Variants in CYP4X1 observed in about 807,000 individuals in gnomAD.
The protein encoded by CYP4X1 is cytochrome P450 4X1.
CYP4X1 carries 44 observed loss-of-function variants against 57.9 expected under a neutral mutation model. The ratio of observed to expected loss-of-function variants is 0.76; its 90% CI spans 0.60 to 0.98. The LOEUF is 0.98. Ranked by LOEUF, CYP4X1 falls within the 50% of genes least tolerant of loss-of-function variation. The pLI, the probability that CYP4X1 is intolerant of heterozygous loss-of-function variation, is 0.00. For missense variants in CYP4X1, 532 were observed against 623.9 expected (o/e 0.85, Z 1.57); for synonymous variants, 227 against 228.6 (o/e 0.99, Z 0.06).
At chr1:46,997,134 T>G in the CYP4X1 span, among the ~76,000 whole-genome samples, 6 of 152,050 alleles carry the variant, frequency 3.9e-5, no homozygotes, top group Non-Finnish European at 8.8e-5. Context: ...AAAAACTGAA[T>G]AGCCCATGCA....
rs1186905718 is a variant in CYP4X1 at position 47,038,673 on chromosome 1, G to A, written c.789G>A (p.Gln263=). ...VLNQYTDTII[Q]ERKKSLQAGV... ...TTTTCTACCCAGATACAATAATCCA[G>A]GAAAGAAAGAAATCCCTCCAGGCTG... The change falls in exon 7 of 12, where the codon CAG becomes CAA. Residue 263 remains glutamine, a synonymous_variant. Coordinates refer to ENST00000371901, the MANE Select transcript of CYP4X1 (RefSeq NM_178033.2). 6 of 1,606,952 alleles carry A rather than the reference G, an allele frequency of 3.7e-6. No homozygotes were observed. The African/African-American group carries it at 6.7e-5, about 18-fold the overall frequency.
At chr1:47,017,647 G>C in the CYP4X1 span, among the ~76,000 whole-genome samples, 1 of 152,100 alleles carries the variant, frequency 6.6e-6, no homozygotes, top group Non-Finnish European at 1.5e-5. Context: ...ATTCAATGTC[G>C]TCCCTCTGCT....
At chr1:47,000,025 G>T in the CYP4X1 span, among the ~76,000 whole-genome samples, 3,498 of 152,142 alleles carry the variant, frequency 0.023, 123 homozygotes, top group African/African-American at 0.08. Flanking sequence ...ATGTGGTTTG[G>T]CTCTGTACCC....
chr1:46,969,497 T>G, the CYP4X1 span, among the ~76,000 whole-genome samples: 1 of 152,348 alleles, frequency 6.6e-6, no homozygotes, highest in South Asian at 2.1e-4. Context: ...GAAAGGACTT[T>G]CTGGAAGAAC....
the CYP4X1 span, among the ~76,000 whole-genome samples, chr1:47,004,678 T>C: frequency 6.6e-6 from 1 of 152,148 alleles, no homozygotes; most frequent in South Asian, 2.1e-4. Flanking sequence ...TGAGGCCACC[T>C]GGCTGCAGCC....
intron 8 of CYP4X1, among the ~76,000 whole-genome samples, chr1:47,042,461 T>G (rs1644257348): frequency 1.3e-5 from 2 of 152,070 alleles, no homozygotes; most frequent in Admixed American, 1.3e-4. Flanking sequence ...TTTTCTTAAT[T>G]TAATTGTTTT....
upstream of CYP4X1, among the ~76,000 whole-genome samples, chr1:47,020,115 T>G (rs1643980481): frequency 6.6e-6 from 1 of 152,218 alleles, no homozygotes; most frequent in Admixed American, 6.5e-5. Context: ...CTCTGAGACT[T>G]GAAGCTCTAG....
the CYP4X1 span, among the ~76,000 whole-genome samples, chr1:46,976,022 G>A: frequency 6.6e-6 from 1 of 152,012 alleles, no homozygotes; most frequent in African/African-American, 2.4e-5. Context: ...GCAGCTTCTC[G>A]TGTGATCGAT....
chr1:47,050,868 G>A (rs1644355087), downstream of CYP4X1: 1 of 152,100 alleles, frequency 6.6e-6, no homozygotes, highest in Non-Finnish European at 1.5e-5. Context: ...GGCAACAAAA[G>A]CCAAAATTGA....
At chr1:47,001,906 T>G in the CYP4X1 span, among the ~76,000 whole-genome samples, 2 of 152,230 alleles carry the variant, frequency 1.3e-5, no homozygotes, top group African/African-American at 2.4e-5. Flanking sequence ...TGGAGATGGC[T>G]GAGAACATCC....
chr1:47,047,998 T>G (rs140186954), intron 9 of CYP4X1, among the ~76,000 whole-genome samples: 12 of 152,180 alleles, frequency 7.9e-5, no homozygotes, highest in Admixed American at 5.2e-4. Context: ...ATCCCAATAT[T>G]TTGTGACACC....
chr1:46,967,844 T>C, the CYP4X1 span: 1 of 1,246,724 alleles, frequency 8.0e-7, no homozygotes, highest in Non-Finnish European at 1.1e-6. Flanking sequence ...AGCTCATTCA[T>C]GGCAAATTTT....
At chr1:46,974,448 G>T in the CYP4X1 span, among the ~76,000 whole-genome samples, 1 of 152,098 alleles carries the variant, frequency 6.6e-6, no homozygotes, top group Admixed American at 6.6e-5. Context: ...AAGCTCATTT[G>T]GTCAAGTGTC....
At chr1:46,973,837 GGTCA>G in the CYP4X1 span, among the ~76,000 whole-genome samples, 3 of 151,836 alleles carry the variant, frequency 2.0e-5, no homozygotes, top group Admixed American at 2.0e-4. Flanking sequence ...TCTAGCTGGT[GGTCA>G]GTCAATCTTA....
intron 2 of CYP4X1, 30 bp from the exon 3 acceptor site, chr1:47,031,404 ATG>A (rs781727612): frequency 1.7e-5 from 28 of 1,612,260 alleles, no homozygotes; most frequent in Non-Finnish European, 2.2e-5. Context: ...CCCTCTAATG[ATG>A]TCTTTTGTTT....
At chr1:46,980,599 T>A in the CYP4X1 span, among the ~76,000 whole-genome samples, 2 of 152,194 alleles carry the variant, frequency 1.3e-5, no homozygotes, top group Non-Finnish European at 2.9e-5. Flanking sequence ...AAGCTACCAA[T>A]GACTTTCTTC....
At chr1:46,995,153 A>T in the CYP4X1 span, among the ~76,000 whole-genome samples, 1 of 149,316 alleles carries the variant, frequency 6.7e-6, no homozygotes, top group Non-Finnish European at 1.5e-5. Flanking sequence ...GGCTCACTAT[A>T]TATGTTGATA....
chr1:47,021,341 A>AAC (rs1643994484), upstream of CYP4X1, among the ~76,000 whole-genome samples: 1 of 152,116 alleles, frequency 6.6e-6, no homozygotes, highest in African/African-American at 2.4e-5. Flanking sequence ...GGATAGCAAA[A>AAC]ACACAAGCAA....
the CYP4X1 span, among the ~76,000 whole-genome samples, chr1:46,973,232 A>G: frequency 6.6e-6 from 1 of 152,016 alleles, no homozygotes; most frequent in Non-Finnish European, 1.5e-5. Context: ...ATCACATTTA[A>G]TGGTTTGTAT....
Sources: allele counts gnomAD v4.1 joint callset (sites outside exome capture counted in the v4.1 genomes callset), GRCh38; gene constraint gnomAD v4.1.1; transcripts MANE v1.5; gene names NCBI Gene and HGNC (gene_info 2026-07-23, HGNC 2026-07-21).